Variants in RAPGEF6 observed in about 807,000 individuals in gnomAD.
The protein encoded by RAPGEF6 is Rap guanine nucleotide exchange factor 6.
In RAPGEF6, 56 loss-of-function variants were observed where a neutral mutation model predicts 171.4. The ratio of observed to expected loss-of-function variants is 0.33; its 90% CI spans 0.26 to 0.41. The LOEUF is 0.41. RAPGEF6 is among the 10% of genes least tolerant of loss of function. The pLI, the probability that RAPGEF6 is intolerant of heterozygous loss-of-function variation, is 1.00. For missense variants in RAPGEF6, 1,674 were observed against 1,921.4 expected, an observed-to-expected ratio of 0.87 and a Z score of 2.41; for synonymous variants, 692 against 650.1, an observed-to-expected ratio of 1.06 and a Z score of -0.98.
chr5:131,456,581 C>T (rs1753520343), intron 19 of RAPGEF6, among the ~76,000 whole-genome samples: 1 of 152,118 alleles, frequency 6.6e-6, no homozygotes, highest in Admixed American at 6.6e-5. Flanking sequence ...TCAGATATTC[C>T]CTAACTTGAA....
intron 1 of RAPGEF6, among the ~76,000 whole-genome samples, chr5:131,624,112 T>C (rs1024992865): frequency 2.0e-5 from 3 of 152,216 alleles, no homozygotes; most frequent in African/African-American, 7.2e-5. Context: ...TCAGCTAATA[T>C]GTAGGCTATC....
rs755272002 is a variant in RAPGEF6, at chr5:131,521,525, A to G, written c.496-4T>C. ...TCTTGGTAAGATCAGCTGGAAGCTG[A>G]AAAAAAAAATAATTTAAGTTATTCT... On this transcript the variant is annotated splice_polypyrimidine_tract_variant and splice_region_variant and intron_variant, in intron 6 of 27. Coordinates refer to ENST00000509018, the MANE Select transcript of RAPGEF6 (RefSeq NM_016340.6). 5.6e-6 allele frequency: 8 copies of G among 1,436,366 alleles called. No individual in the cohort carries two copies. The highest frequency in any genetic ancestry group is 1.9e-4 in the Middle Eastern group (1 of 5,376). The allele number at this position is 1,436,366 out of a possible 1,614,324, so 89.0% of individuals were successfully genotyped here.
chr5:131,536,765 C>T (rs1759805316), intron 6 of RAPGEF6, among the ~76,000 whole-genome samples: 1 of 152,126 alleles, frequency 6.6e-6, no homozygotes, highest in Non-Finnish European at 1.5e-5. Flanking sequence ...CATACCTGCA[C>T]AAAAGGATAC....
chr5:131,433,794 T>C (rs1205453077), intron 24 of RAPGEF6, 136 bp from the exon 25 acceptor site: 8 of 683,876 alleles, frequency 1.2e-5, no homozygotes, highest in Non-Finnish European at 1.9e-5. Context: ...TTTCCATCTA[T>C]GTAGATATAA....
intron 16 of RAPGEF6, among the ~76,000 whole-genome samples, chr5:131,473,341 C>T (rs774433705): frequency 6.6e-6 from 1 of 152,136 alleles, no homozygotes; most frequent in Non-Finnish European, 1.5e-5. Flanking sequence ...CTTATTTAAT[C>T]TCTCAAGTCT....
intron 4 of RAPGEF6, among the ~76,000 whole-genome samples, chr5:131,586,603 C>A (rs1426930234): frequency 2.6e-5 from 4 of 151,780 alleles, no homozygotes; most frequent in Non-Finnish European, 5.9e-5. Context: ...TGCACTCCAG[C>A]CTGGGTGACA....
At chr5:131,571,560 G>C (rs1475112130) in intron 4 of RAPGEF6, among the ~76,000 whole-genome samples, 4 of 152,146 alleles carry the variant, frequency 2.6e-5, no homozygotes, top group Non-Finnish European at 5.9e-5. Flanking sequence ...ATCATTGAGA[G>C]AAATTAAAGA....
At chr5:131,442,876 C>T (rs1454886964) in intron 22 of RAPGEF6, among the ~76,000 whole-genome samples, 1 of 152,070 alleles carries the variant, frequency 6.6e-6, no homozygotes, top group Non-Finnish European at 1.5e-5. Context: ...CAACCTCCAC[C>T]TCCCAGGTTC....
intron 19 of RAPGEF6, among the ~76,000 whole-genome samples, chr5:131,457,218 G>A (rs997105709): frequency 2.0e-5 from 3 of 152,144 alleles, no homozygotes; most frequent in African/African-American, 7.2e-5. Flanking sequence ...TTACAGGTGT[G>A]TACCACAATG....
At chr5:131,435,988 T>C in intron 24 of RAPGEF6, 1 of 1,536,336 alleles carries the variant, frequency 6.5e-7, no homozygotes, top group Non-Finnish European at 8.7e-7. Flanking sequence ...GAATCGCGTA[T>C]AGAAGCAGTT....
At chr5:131,458,379 T>C (rs1228212793) in intron 19 of RAPGEF6, among the ~76,000 whole-genome samples, 1 of 152,188 alleles carries the variant, frequency 6.6e-6, no homozygotes, top group Non-Finnish European at 1.5e-5. Flanking sequence ...GCCCTTCGCC[T>C]TCCACTATGA....
Position 131,442,556 on chromosome 5 carries a change from A to C in RAPGEF6, c.3422-19T>G, listed in dbSNP as rs1299410123. On this transcript the variant is annotated intron_variant, in intron 22 of 27. Transcript: ENST00000509018. ...TTGGTCACTAACAGGAGAGAGTAAGAAATAAGTAACTGCACGTTTTTAGGC... is the reference window on the plus strand; with the variant it reads ...TTGGTCACTAACAGGAGAGAGTAAGCAATAAGTAACTGCACGTTTTTAGGC... The C allele has an allele frequency of 6.2e-7, 1 of 1,611,688 alleles. No homozygotes were observed. Among genetic ancestry groups the C allele is most frequent in the Non-Finnish European group, 8.5e-7 (1 of 1,178,632 alleles).
chr5:131,462,130 T>A (rs1753975485), intron 18 of RAPGEF6, 42 bp from the exon 19 acceptor site: 8 of 1,324,614 alleles, frequency 6.0e-6, no homozygotes, highest in Non-Finnish European at 7.9e-6. Context: ...TTCATAAATA[T>A]GATTAAATAA....
chr5:131,620,048 CA>C (rs2150032964), intron 1 of RAPGEF6, among the ~76,000 whole-genome samples: 1 of 152,284 alleles, frequency 6.6e-6, no homozygotes, highest in South Asian at 2.1e-4. Context: ...TGCAAGTCTT[CA>C]GTATTTTATT....
rs748797188 is a variant in RAPGEF6 at position 131,453,166 on chromosome 5, T to C, written c.3088A>G (p.Lys1030Glu). 6.2e-7 allele frequency: 1 copy of C among 1,608,248 alleles called. No homozygotes were observed. The highest frequency in any genetic ancestry group is 2.2e-5 in the East Asian group (1 of 44,764). The change falls in exon 21 of 28, where the codon AAA becomes GAA. Residue 1030 changes from lysine to glutamate, a missense_variant. Physicochemically the swap from Lys to Glu is moderately conservative, Grantham distance 56 (BLOSUM62 1). Around this residue, in one of 3 missense-constraint regions of RAPGEF6, gnomAD observed 1,116 missense variants for 1,321.5 expected, o/e 0.84. Transcript: ENST00000509018. ...TCAAAGTTTACTAAACCATCTACTT[T>C]GGAGTCATTTCCTATAGAATGAAAA... The part of the protein sequence containing the change: ...MTFLHEGNDS[K>E]VDGLVNFEKL...
At chr5:131,498,838 T>A (rs996725366) in intron 11 of RAPGEF6, among the ~76,000 whole-genome samples, 7 of 152,166 alleles carry the variant, frequency 4.6e-5, no homozygotes, top group Non-Finnish European at 8.8e-5. Flanking sequence ...CCAACAGCAC[T>A]CACTCAGCTG....
chr5:131,455,550 G>A (rs572725045), intron 20 of RAPGEF6, among the ~76,000 whole-genome samples: 7 of 152,292 alleles, frequency 4.6e-5, no homozygotes, highest in East Asian at 1.9e-4. Flanking sequence ...GAGCCACCGC[G>A]TCCAGCTGAG....
intron 15 of RAPGEF6, among the ~76,000 whole-genome samples, chr5:131,487,218 C>A (rs10062826): frequency 6.6e-5 from 10 of 152,128 alleles, no homozygotes; most frequent in African/African-American, 2.4e-4. Context: ...AGCCGCGGAC[C>A]TTCGCGGCGA....
At chr5:131,479,840 G>A in intron 15 of RAPGEF6, 87 bp from the exon 16 acceptor site, 1 of 1,363,820 alleles carries the variant, frequency 7.3e-7, no homozygotes, top group Non-Finnish European at 1.0e-6. Flanking sequence ...TAAACACAGT[G>A]ACTTTCCATT....
Sources: gnomAD v4.1 joint callset for allele counts (sites outside exome capture counted in the v4.1 genomes callset) on GRCh38, gnomAD v4.1.1 for gene constraint, gnomAD v4.1.1 regional missense constraint, MANE v1.5 for transcripts, NCBI Gene and HGNC (gene_info 2026-07-23, HGNC 2026-07-21) for gene names.